The following RFTN1 variants were observed in gnomAD, a reference collection of about 807,000 sequenced individuals.
The protein encoded by RFTN1 is raftlin, lipid raft linker 1, also known as raftlin.
Under a neutral mutation model 46.5 loss-of-function variants are expected in RFTN1, and 26 were observed. That is an observed-to-expected ratio of 0.56 (90% CI 0.41 to 0.78). RFTN1 has a LOEUF of 0.78. Among genes scored for constraint, RFTN1 ranks in the 30% least tolerant of loss-of-function variants. RFTN1 has a pLI of 0.00. For synonymous variants in RFTN1, 261 were observed against 284.2 expected, an observed-to-expected ratio of 0.92 and a Z score of 0.82; for missense variants, 693 against 718.7, an observed-to-expected ratio of 0.96 and a Z score of 0.41.
In RFTN1 at chr3:16,459,881, A is replaced by T. The variant is rs573854892; in HGVS notation, c.146-25844T>A. ...AGAAGTTTATCATTTTTTGGTTCCT[A>T]TAACTTTTAGTTATTTGACATTTGC... On this transcript the variant is annotated intron_variant, in intron 2 of 9. Coordinates refer to ENST00000334133, the MANE Select transcript of RFTN1 (RefSeq NM_015150.2). The surrounding 1 kb of genome is among the most constrained non-coding windows in gnomAD (Gnocchi z 4.2). Among the ~76,000 whole-genome samples, 146 of 152,306 alleles carry T rather than the reference A, an allele frequency of 9.6e-4. 1 individual carries two copies. Among genetic ancestry groups the T allele is most frequent in the African/African-American group, 3.4e-3 (140 of 41,580 alleles).
In RFTN1 at chr3:16,374,700, C is replaced by T. The variant is rs747001227; in HGVS notation, c.826+3018G>A. On this transcript the variant is annotated intron_variant, in intron 5 of 9. Coordinates refer to ENST00000334133, the MANE Select transcript of RFTN1 (RefSeq NM_015150.2). This position sits in a 1 kb window ranked among gnomAD's most constrained non-coding sequence, Gnocchi z 5.4. ...GAATTTTCGTGAACCTGTCTAGCCT[C>T]CTGGTTTCTCTGATGGAAGCTGTGG... is the stretch of plus-strand genomic sequence containing the variant. 3.9e-5 allele frequency among the ~76,000 whole-genome samples: 6 copies of T among 152,184 alleles called. No individual in the cohort carries two copies. The highest frequency in any genetic ancestry group is 8.8e-5 in the Non-Finnish European group (6 of 68,024).
rs200435969 is a variant in RFTN1, at chr3:16,470,230, G to GCACACA, written c.145+23489_145+23494dup. Among the ~76,000 whole-genome samples the GCACACA allele has an allele frequency of 6.2e-3, 929 of 148,894 alleles. 5 individuals are homozygous for GCACACA. The highest frequency in any genetic ancestry group is 0.014 in the African/African-American group (551 of 40,704). On this transcript the variant is annotated intron_variant, in intron 2 of 9. Coordinates refer to ENST00000334133, the MANE Select transcript of RFTN1 (RefSeq NM_015150.2). Reference sequence around the variant, plus strand: ...TAACAACTATAAACTCTGCACACACGCACACACACACACACACACATACAG... The same window carrying GCACACA: ...TAACAACTATAAACTCTGCACACACGCACACACACACACACACACACACACATACAG...
intron 1 of RFTN1, among the ~76,000 whole-genome samples, chr3:16,494,758 A>C (rs1314974543): frequency 2.0e-5 from 3 of 152,198 alleles, no homozygotes; most frequent in African/African-American, 7.2e-5. Flanking sequence ...CACTCTCCCA[A>C]CTTCAGCAGA....
chr3:16,435,552 A>G (rs924392067), intron 2 of RFTN1, among the ~76,000 whole-genome samples: 2 of 152,202 alleles, frequency 1.3e-5, no homozygotes, highest in African/African-American at 4.8e-5. Context: ...CCTGGGCAAC[A>G]AGAGCTAAAC....
chr3:16,386,823 G>A (rs1057279820), intron 4 of RFTN1, among the ~76,000 whole-genome samples: 6 of 152,178 alleles, frequency 3.9e-5, no homozygotes, highest in Non-Finnish European at 8.8e-5. Context: ...AGTAACTGCA[G>A]AGCTCATGGG....
Position 16,421,572 on chromosome 3 carries a change from G to A in RFTN1, c.333-12089C>T, listed in dbSNP as rs539477241. ...TCACCATGTTGGCCAGGATGGTCTC[G>A]ATCCCTTGACTTCGTGATCCGCCCG... On this transcript the variant is annotated intron_variant, in intron 3 of 9. Transcript: ENST00000334133. The surrounding 1 kb of genome is among the most constrained non-coding windows in gnomAD (Gnocchi z 4.6). 4.3e-4 allele frequency among the ~76,000 whole-genome samples: 65 copies of A among 152,016 alleles called. No individual in the cohort carries two copies. Among genetic ancestry groups the A allele is most frequent in the African/African-American group, 1.4e-3 (57 of 41,464 alleles).
At chr3:16,359,083 G>C in intron 6 of RFTN1, among the ~76,000 whole-genome samples, 1 of 145,362 alleles carries the variant, frequency 6.9e-6, no homozygotes, top group African/African-American at 2.5e-5. Context: ...TGACCCTATA[G>C]AATACACTAA....
At chr3:16,392,253 A>G (rs139438625) in intron 4 of RFTN1, among the ~76,000 whole-genome samples, 4 of 152,366 alleles carry the variant, frequency 2.6e-5, no homozygotes, top group Non-Finnish European at 5.9e-5. Flanking sequence ...AAGATTTTAC[A>G]TAATCACAAG....
intron 6 of RFTN1, among the ~76,000 whole-genome samples, chr3:16,364,083 G>C (rs1014650242): frequency 6.6e-6 from 1 of 152,172 alleles, no homozygotes; most frequent in Admixed American, 6.5e-5. Flanking sequence ...GCTCTGGGCC[G>C]GCCTGCCTTC....
chr3:16,406,654 A>C (rs1027728671), intron 4 of RFTN1, among the ~76,000 whole-genome samples: 5 of 152,236 alleles, frequency 3.3e-5, no homozygotes, highest in African/African-American at 1.2e-4. Flanking sequence ...CAGAATTCTT[A>C]CTATAAGTCT....
At position 16,351,925 on chromosome 3, in the gene RFTN1, T is replaced by C. The variant is rs188855399; in HGVS notation, c.1146+6007A>G. Among the ~76,000 whole-genome samples the C allele has an allele frequency of 1.3e-5, 2 of 152,218 alleles. No individual in the cohort carries two copies. Among genetic ancestry groups the C allele is most frequent in the Non-Finnish European group, 2.9e-5 (2 of 68,012 alleles). On this transcript the variant is annotated intron_variant, in intron 7 of 9. Transcript: ENST00000334133. The surrounding 1 kb of genome is among the most constrained non-coding windows in gnomAD (Gnocchi z 5.4). The stretch of plus-strand genomic sequence containing the variant: ...CATGGATTCTGCAGTCAGATTCCAT[T>C]GATATTTTAAAGAAACTGACACTGG...
rs2075673597 is a variant in RFTN1 at position 16,443,750 on chromosome 3, A to C, written c.146-9713T>G. On this transcript the variant is annotated intron_variant, in intron 2 of 9. Transcript: ENST00000334133. This position sits in a 1 kb window ranked among gnomAD's most constrained non-coding sequence, Gnocchi z 5.5. The stretch of plus-strand genomic sequence containing the variant: ...CACACATAGTCAATGAATTACACAC[A>C]ACACACACACACACACACACACACA... Among the ~76,000 whole-genome samples, 1 of 145,938 alleles carries C rather than the reference A, an allele frequency of 6.9e-6. No homozygotes were observed. The highest frequency in any genetic ancestry group is 1.5e-5 in the Non-Finnish European group (1 of 65,830).
At chr3:16,408,130 C>T (rs1031270740) in intron 4 of RFTN1, among the ~76,000 whole-genome samples, 5 of 152,254 alleles carry the variant, frequency 3.3e-5, no homozygotes, top group East Asian at 1.9e-4. Flanking sequence ...CTCCCTCTGA[C>T]GTTCTTTTGA....
chr3:16,411,714 G>A (rs538871038), intron 3 of RFTN1, among the ~76,000 whole-genome samples: 1 of 152,314 alleles, frequency 6.6e-6, no homozygotes, highest in South Asian at 2.1e-4. Context: ...CGTACCATGT[G>A]AGGTCTCAAA....
chr3:16,330,940 T>C (rs1019291295), intron 7 of RFTN1, among the ~76,000 whole-genome samples: 2 of 152,376 alleles, frequency 1.3e-5, no homozygotes, highest in East Asian at 1.9e-4. Flanking sequence ...CAGTTTGCTC[T>C]TCTTTTCTCC....
At chr3:16,487,464 T>A (rs1176765798) in intron 2 of RFTN1, among the ~76,000 whole-genome samples, 1 of 152,260 alleles carries the variant, frequency 6.6e-6, no homozygotes, top group Non-Finnish European at 1.5e-5. Context: ...CTGTCTGCGC[T>A]GTCCAATAGC....
At chr3:16,393,155 G>A (rs1352522539) in intron 4 of RFTN1, among the ~76,000 whole-genome samples, 1 of 152,152 alleles carries the variant, frequency 6.6e-6, no homozygotes, top group African/African-American at 2.4e-5. Context: ...TTAGGTAAAA[G>A]GAAAATAGAG....
chr3:16,408,006 C>T (rs942134981), intron 4 of RFTN1, among the ~76,000 whole-genome samples: 2 of 152,286 alleles, frequency 1.3e-5, no homozygotes, highest in East Asian at 3.9e-4. Context: ...AACAAATCTC[C>T]TTTAAAGGGA....
chr3:16,497,195 C>T (rs1315250331), intron 1 of RFTN1, among the ~76,000 whole-genome samples: 1 of 152,166 alleles, frequency 6.6e-6, no homozygotes, highest in Non-Finnish European at 1.5e-5. Flanking sequence ...GATTTGTGTG[C>T]TTTCCCATAC....
Sources: allele counts gnomAD v4.1 joint callset (sites outside exome capture counted in the v4.1 genomes callset), GRCh38; gene constraint gnomAD v4.1.1; non-coding constraint Gnocchi (gnomAD v3.1); transcripts MANE v1.5; gene names NCBI Gene and HGNC (gene_info 2026-07-23, HGNC 2026-07-21).